Variants in CHD1 observed in about 807,000 individuals in gnomAD.
The protein encoded by CHD1 is ATP-dependent chromatin remodeler CHD1.
In CHD1, 36 loss-of-function variants were observed where a neutral mutation model predicts 224.2. That is an observed-to-expected ratio of 0.16 (90% CI 0.12 to 0.21). CHD1 has a LOEUF of 0.21. CHD1 is among the 10% of genes least tolerant of loss of function. The probability of loss-of-function intolerance (pLI) is 1.00; values close to 1 mark genes in which losing one functional copy is unlikely to be tolerated. For synonymous variants in CHD1, 668 were observed against 658.3 expected (o/e 1.01, Z -0.23); for missense variants, 1,378 against 1,994.8 (o/e 0.69, Z 5.89).
intron 2 of CHD1, among the ~76,000 whole-genome samples, chr5:98,911,144 A>ATATATATACATATATATATATAT (rs1321937045): frequency 1.4e-5 from 1 of 73,760 alleles, no homozygotes. Flanking sequence ...AAAAAAAAAA[A>ATATATATACATATATATATATAT]AAATATATAT....
chr5:98,868,670 C>A (rs1343017573), intron 30 of CHD1, 35 bp from the exon 31 acceptor site: 2 of 1,508,170 alleles, frequency 1.3e-6, no homozygotes, highest in East Asian at 4.8e-5. Flanking sequence ...AAAAACAAAA[C>A]CCCAATAGCA....
At chr5:98,865,844 C>G (rs1227929695) in intron 31 of CHD1, among the ~76,000 whole-genome samples, 1 of 152,066 alleles carries the variant, frequency 6.6e-6, no homozygotes, top group Non-Finnish European at 1.5e-5. Flanking sequence ...ATGATACACA[C>G]AATATCATTT....
intron 2 of CHD1, among the ~76,000 whole-genome samples, chr5:98,921,522 G>A (rs1278383126): frequency 2.6e-5 from 4 of 152,092 alleles, no homozygotes; most frequent in South Asian, 2.1e-4. Context: ...TGCCAACACC[G>A]CTGGTCCACG....
chr5:98,905,217 T>A, intron 2 of CHD1, 119 bp from the exon 3 acceptor site: 1 of 1,199,244 alleles, frequency 8.3e-7, no homozygotes, highest in Admixed American at 2.7e-5. Context: ...TTCAACTATC[T>A]TTGGCCAAAA....
intron 8 of CHD1, 78 bp from the exon 9 acceptor site, chr5:98,898,842 T>C: frequency 1.3e-6 from 1 of 780,368 alleles, no homozygotes; most frequent in South Asian, 1.6e-5. Flanking sequence ...CCAACACTAT[T>C]TGTAGCACAA....
chr5:98,889,582 AT>A (rs10718287), intron 15 of CHD1: 53,113 of 161,564 alleles, frequency 0.33, 10,330 homozygotes, highest in African/African-American at 0.55. Context: ...ATGAAACTGA[AT>A]TATTTTGCAT....
chr5:98,917,750 T>G (rs922754663), intron 2 of CHD1, among the ~76,000 whole-genome samples: 19 of 152,346 alleles, frequency 1.2e-4, no homozygotes, highest in Non-Finnish European at 2.4e-4. Flanking sequence ...CTACATATTT[T>G]AATCTCAATA....
At chr5:98,873,504 A>G in intron 26 of CHD1, 89 bp downstream of exon 26, 1 of 1,004,436 alleles carries the variant, frequency 1.0e-6, no homozygotes, top group Non-Finnish European at 1.3e-6. Context: ...TGATGAATAA[A>G]TAATTTAAGA....
chr5:98,870,616 G>A (rs779780840), intron 29 of CHD1, 71 bp downstream of exon 29: 12 of 754,300 alleles, frequency 1.6e-5, no homozygotes, highest in Non-Finnish European at 2.7e-5. Context: ...CAGATGTTTA[G>A]CATGGTGAAG....
At position 98,901,397 on chromosome 5, in the gene CHD1, A is replaced by T. The variant is rs1306637795; in HGVS notation, c.438-62T>A. The T allele has an allele frequency of 1.7e-5, 23 of 1,338,436 alleles. No homozygotes were observed. In the East Asian group the frequency reaches 5.5e-4, roughly 32 times the overall value. 82.9% of individuals were successfully genotyped at this position (1,338,436 alleles called of 1,614,324 possible). On this transcript the variant is annotated intron_variant, in intron 5 of 35. Transcript: ENST00000614616. ...TTATATGGCAAGTTTTATCCCTAAT[A>T]CAAAGATGATCAAATCAACCAAACT...
intron 18 of CHD1, among the ~76,000 whole-genome samples, chr5:98,884,340 C>T (rs960174950): frequency 6.6e-6 from 1 of 152,098 alleles, no homozygotes; most frequent in South Asian, 2.1e-4. Context: ...TCCCAAAGTG[C>T]TGGGATTACA....
In CHD1 at chr5:98,893,591, G is replaced by C; in HGVS notation, c.1816C>G (p.Leu606Val). The change falls in exon 14 of 36, where the codon CTA becomes GTA. Residue 606 changes from leucine to valine, a missense_variant. By Grantham distance (32) the Leu-to-Val change is conservative (BLOSUM62 1). Around this residue, in one of 16 missense-constraint regions of CHD1, gnomAD observed 18 missense variants for 16.1 expected, o/e 1.11. Transcript: ENST00000614616. ...LLKDKAFLGG[L>V]NWAFIGVDEA... ...TCAACACCTATAAATGCCCAATTTAGACCTCCAAGGAATGCCTTAAAATAA... is the reference window on the plus strand; with the variant it reads ...TCAACACCTATAAATGCCCAATTTACACCTCCAAGGAATGCCTTAAAATAA... 6.3e-7 allele frequency: 1 copy of C among 1,590,226 alleles called. No individual in the cohort carries two copies. The highest frequency in any genetic ancestry group is 1.4e-5 in the African/African-American group (1 of 73,608).
rs34603767 is a variant in CHD1, at chr5:98,926,918, T to TGGG, written c.-148-387_-148-385dup. ...AGATAACTTGGTCGAATAAATGAAG[T>TGGG]GGGGGGGGGGGTGGGAGGAGGTTAC... On this transcript the variant is annotated intron_variant, in intron 1 of 35. Coordinates refer to ENST00000614616, the MANE Select transcript of CHD1 (RefSeq NM_001270.4). 2.2e-3 allele frequency among the ~76,000 whole-genome samples: 131 copies of TGGG among 59,694 alleles called. 1 individual carries two copies. The highest frequency in any genetic ancestry group is 0.01 in the East Asian group (16 of 1,566). The allele number at this position is 59,694 out of a possible 152,430, so 39.2% of individuals were successfully genotyped here.
At position 98,872,398 on chromosome 5, in the gene CHD1, G is replaced by C. The variant is rs748077294; in HGVS notation, c.3710+19C>G. Reference sequence around the variant, plus strand: ...ATTGAATAACAAAAATCTTACAATGGAGAAAATAAATCACTCACTGCTTTC... The same window carrying C: ...ATTGAATAACAAAAATCTTACAATGCAGAAAATAAATCACTCACTGCTTTC... On this transcript the variant is annotated intron_variant, in intron 27 of 35. Transcript: ENST00000614616. The C allele has an allele frequency of 1.9e-6, 3 of 1,600,392 alleles. No homozygotes were observed. In the Admixed American group the frequency reaches 5.2e-5, roughly 28 times the overall value.
At chr5:98,870,102 A>G (rs1246467513) in intron 29 of CHD1, among the ~76,000 whole-genome samples, 2 of 152,114 alleles carry the variant, frequency 1.3e-5, no homozygotes, top group Non-Finnish European at 2.9e-5. Flanking sequence ...TTATTCCTTT[A>G]AAAAAAGGAT....
chr5:98,926,218 A>G, intron 2 of CHD1, 116 bp downstream of exon 2: 1 of 621,820 alleles, frequency 1.6e-6, no homozygotes, highest in East Asian at 3.2e-5. Flanking sequence ...TAAGAGGAAA[A>G]CCTGAAAACT....
intron 2 of CHD1, among the ~76,000 whole-genome samples, chr5:98,913,188 T>C (rs1352054678): frequency 6.6e-6 from 1 of 152,124 alleles, no homozygotes; most frequent in Non-Finnish European, 1.5e-5. Flanking sequence ...AAAGAGCTTC[T>C]TGCTAGGCAT....
chr5:98,903,886 A>T lies in CHD1; in HGVS notation c.278T>A (p.Ile93Asn), dbSNP rs1751880307. 1.3e-5 allele frequency: 21 copies of T among 1,607,772 alleles called. No homozygotes were observed. Among genetic ancestry groups the T allele is most frequent in the Non-Finnish European group, 1.8e-5 (21 of 1,176,128 alleles). ...GATTGCAGATCTCTGAACGGCCAGA[A>T]TACTAGGACTAGATTTCCAAAACTA... ...GAEFWKSSPS[I>N]LAVQRSAILK... Residue 93 changes from isoleucine to asparagine, a missense_variant, in exon 4 of 36, where the codon ATT becomes AAT. Ile to Asn is a moderately radical substitution (Grantham distance 149, BLOSUM62 -3). Transcript: ENST00000614616.
chr5:98,862,866 A>G (rs1748580463), intron 32 of CHD1, among the ~76,000 whole-genome samples: 1 of 152,240 alleles, frequency 6.6e-6, no homozygotes, highest in Non-Finnish European at 1.5e-5. Flanking sequence ...AAAAGATAGA[A>G]GCCAAGCATT....
Sources: gnomAD v4.1 joint callset for allele counts (sites outside exome capture counted in the v4.1 genomes callset) on GRCh38, gnomAD v4.1.1 for gene constraint, gnomAD v4.1.1 regional missense constraint, MANE v1.5 for transcripts, NCBI Gene and HGNC (gene_info 2026-07-23, HGNC 2026-07-21) for gene names.